The following INPP4B variants were observed in gnomAD, a reference collection of about 807,000 sequenced individuals.
INPP4B encodes inositol polyphosphate-4-phosphatase type II B.
Under a neutral mutation model 122.5 loss-of-function variants are expected in INPP4B, and 55 were observed. That is an observed-to-expected ratio of 0.45 (90% CI 0.36 to 0.56). The LOEUF (loss-of-function observed/expected upper bound fraction) is 0.56. Ranked by LOEUF, INPP4B falls within the 20% of genes least tolerant of loss-of-function variation. The probability of loss-of-function intolerance (pLI) is 0.00; values close to 1 mark genes in which losing one functional copy is unlikely to be tolerated. For synonymous variants in INPP4B, 403 were observed against 388.7 expected, an observed-to-expected ratio of 1.04 and a Z score of -0.43; for missense variants, 1,000 against 1,097.7, an observed-to-expected ratio of 0.91 and a Z score of 1.26.
chr4:142,102,324 T>C (rs564609671), intron 23 of INPP4B, among the ~76,000 whole-genome samples: 1 of 152,200 alleles, frequency 6.6e-6, no homozygotes, highest in East Asian at 1.9e-4. Context: ...CCTAAGTCCT[T>C]GACATGCACT....
intron 25 of INPP4B, among the ~76,000 whole-genome samples, chr4:142,076,283 C>T (rs992495741): frequency 6.6e-6 from 1 of 151,944 alleles, no homozygotes; most frequent in Non-Finnish European, 1.5e-5. Context: ...AAGTTGAAGT[C>T]CTTTGTAGGC....
At chr4:142,219,626 C>T (rs1848588356) in intron 12 of INPP4B, among the ~76,000 whole-genome samples, 1 of 152,140 alleles carries the variant, frequency 6.6e-6, no homozygotes, top group African/African-American at 2.4e-5. Flanking sequence ...TACTTAAAAG[C>T]TGTTTAAACA....
At chr4:142,250,796 C>T in intron 11 of INPP4B, among the ~76,000 whole-genome samples, 1 of 152,104 alleles carries the variant, frequency 6.6e-6, no homozygotes, top group Admixed American at 6.5e-5. Flanking sequence ...TCCAGGCTGA[C>T]TGGACTACAG....
chr4:142,545,785 A>ATATATGTGTGTATATACACATG (rs1560782430), intron 2 of INPP4B, among the ~76,000 whole-genome samples: 1 of 108,526 alleles, frequency 9.2e-6, no homozygotes, highest in African/African-American at 3.4e-5. Context: ...ATATACACAT[A>ATATATGTGTGTATATACACATG]TATATGTGTG....
chr4:142,309,867 C>G (rs892496616), intron 8 of INPP4B, among the ~76,000 whole-genome samples: 6 of 152,334 alleles, frequency 3.9e-5, no homozygotes, highest in African/African-American at 1.2e-4. Flanking sequence ...AGTGGTGCAT[C>G]TGTCAGAATC....
chr4:142,450,420 G>A lies in INPP4B; in HGVS notation c.-127+12243C>T, dbSNP rs73850885. Among the ~76,000 whole-genome samples the A allele has an allele frequency of 4.4e-3, 665 of 152,296 alleles. 7 individuals carry two copies. Among genetic ancestry groups the A allele is most frequent in the African/African-American group, 0.015 (610 of 41,558 alleles). On this transcript the variant is annotated intron_variant, in intron 3 of 25. Coordinates refer to ENST00000262992, the MANE Select transcript of INPP4B (RefSeq NM_001101669.3). ...AAACTAGTGTGTCACATAGAAACATGCAGAGGGAGAAGGAGGGAGACCAGA... is the reference window on the plus strand; with the variant it reads ...AAACTAGTGTGTCACATAGAAACATACAGAGGGAGAAGGAGGGAGACCAGA...
At chr4:142,726,602 A>C (rs1318082094) in intron 1 of INPP4B, among the ~76,000 whole-genome samples, 1 of 152,244 alleles carries the variant, frequency 6.6e-6, no homozygotes, top group Non-Finnish European at 1.5e-5. Context: ...TGGAGGATAC[A>C]AAATTCAAGC....
intron 13 of INPP4B, 40 bp from the exon 14 acceptor site, chr4:142,208,569 GATAA>G (rs1361500879): frequency 1.8e-6 from 2 of 1,106,596 alleles, no homozygotes; most frequent in South Asian, 2.9e-5. Flanking sequence ...AGTAAATAAT[GATAA>G]ATTAATATGT....
chr4:142,751,768 T>C (rs1769755273), intron 1 of INPP4B, among the ~76,000 whole-genome samples: 1 of 152,048 alleles, frequency 6.6e-6, no homozygotes, highest in Non-Finnish European at 1.5e-5. Flanking sequence ...ATAGACACGA[T>C]TCTATCACTT....
At chr4:142,087,283 A>G (rs1230698181) in intron 23 of INPP4B, among the ~76,000 whole-genome samples, 1 of 152,226 alleles carries the variant, frequency 6.6e-6, no homozygotes. Flanking sequence ...ACATGAGGCT[A>G]TACTTCACAG....
intron 1 of INPP4B, among the ~76,000 whole-genome samples, chr4:142,804,840 T>C (rs1460587624): frequency 6.6e-6 from 1 of 152,136 alleles, no homozygotes; most frequent in East Asian, 1.9e-4. Flanking sequence ...CTAATTTCTG[T>C]ATTTTTTGTA....
chr4:142,390,070 T>C (rs1200473716), intron 7 of INPP4B, among the ~76,000 whole-genome samples: 3 of 152,206 alleles, frequency 2.0e-5, no homozygotes, highest in Non-Finnish European at 4.4e-5. Context: ...CTTAGAGCAC[T>C]GATCTGCTCT....
At chr4:142,364,162 CA>C (rs1004412427) in intron 7 of INPP4B, among the ~76,000 whole-genome samples, 67 of 152,104 alleles carry the variant, frequency 4.4e-4, no homozygotes, top group African/African-American at 1.6e-3. Context: ...CCTTTTGCTT[CA>C]AAATGGTGAT....
intron 9 of INPP4B, among the ~76,000 whole-genome samples, chr4:142,280,094 T>G (rs1441985181): frequency 6.6e-6 from 1 of 151,890 alleles, no homozygotes; most frequent in African/African-American, 2.4e-5. Context: ...GGATGAAGAC[T>G]GACTGAAACT....
intron 17 of INPP4B, among the ~76,000 whole-genome samples, chr4:142,157,491 C>A (rs1817857172): frequency 6.6e-6 from 1 of 152,018 alleles, no homozygotes; most frequent in South Asian, 2.1e-4. Context: ...TAAATTTAGG[C>A]AAAGCTTGTA....
intron 1 of INPP4B, among the ~76,000 whole-genome samples, chr4:142,821,555 C>T (rs1273680365): frequency 1.3e-5 from 2 of 151,986 alleles, no homozygotes; most frequent in African/African-American, 2.4e-5. Context: ...TTCAAATTGC[C>T]ATAACTATGT....
chr4:142,529,606 T>C (rs1271424244), intron 2 of INPP4B, among the ~76,000 whole-genome samples: 1 of 152,070 alleles, frequency 6.6e-6, no homozygotes, highest in Non-Finnish European at 1.5e-5. Flanking sequence ...TTTTAATTCC[T>C]AGCATGATAA....
chr4:142,317,020 C>T (rs191500595), intron 7 of INPP4B, among the ~76,000 whole-genome samples: 23 of 152,250 alleles, frequency 1.5e-4, no homozygotes, highest in Admixed American at 1.4e-3. Context: ...GAAATATGGG[C>T]ATTTTCCTGT....
At chr4:142,516,414 T>C (rs1825412960) in intron 2 of INPP4B, among the ~76,000 whole-genome samples, 1 of 152,162 alleles carries the variant, frequency 6.6e-6, no homozygotes, top group Non-Finnish European at 1.5e-5. Flanking sequence ...TTTATACACA[T>C]AGGTTCATTT....
Sources: gnomAD v4.1 joint callset for allele counts (sites outside exome capture counted in the v4.1 genomes callset) on GRCh38, gnomAD v4.1.1 for gene constraint, MANE v1.5 for transcripts, NCBI Gene and HGNC (gene_info 2026-07-23, HGNC 2026-07-21) for gene names.